The following SEPTIN7 variants were observed in gnomAD, a reference collection of about 807,000 sequenced individuals.
SEPTIN7 encodes the protein septin-7.
Under a neutral mutation model 63.3 loss-of-function variants are expected in SEPTIN7, and 10 were observed. That is an observed-to-expected ratio of 0.16 (90% CI 0.10 to 0.27). The LOEUF (loss-of-function observed/expected upper bound fraction) is 0.27, where lower values mean the gene tolerates loss of function less well. SEPTIN7 is among the 10% of genes least tolerant of loss of function. The pLI is 1.00. For missense variants in SEPTIN7, 310 were observed against 521.0 expected, an observed-to-expected ratio of 0.59 and a Z score of 3.94; for synonymous variants, 131 against 165.3, an observed-to-expected ratio of 0.79 and a Z score of 1.59.
intron 6 of SEPTIN7, among the ~76,000 whole-genome samples, chr7:35,876,842 G>A (rs761252618): frequency 1.3e-5 from 2 of 152,090 alleles, no homozygotes; most frequent in Non-Finnish European, 2.9e-5. Flanking sequence ...GGTGGTGGAT[G>A]CCTGTAATCC....
chr7:35,874,359 G>T (rs1452071899), intron 6 of SEPTIN7, among the ~76,000 whole-genome samples: 1 of 152,076 alleles, frequency 6.6e-6, no homozygotes, highest in Non-Finnish European at 1.5e-5. Context: ...TAATCTGATT[G>T]TTCTGTTTGT....
intron 11 of SEPTIN7, among the ~76,000 whole-genome samples, chr7:35,892,012 A>G (rs528352567): frequency 4.6e-5 from 7 of 152,298 alleles, no homozygotes; most frequent in Non-Finnish European, 7.4e-5. Context: ...GATCATCAAG[A>G]TGCCACTGGG....
chr7:35,869,638 A>G (rs868185675), intron 4 of SEPTIN7, among the ~76,000 whole-genome samples: 5 of 152,332 alleles, frequency 3.3e-5, no homozygotes, highest in Middle Eastern at 3.4e-3. Flanking sequence ...ATGACACTGT[A>G]TAATAAACAT....
chr7:35,901,280 A>G (rs570940535), intron 12 of SEPTIN7: 1 of 152,310 alleles, frequency 6.6e-6, no homozygotes, highest in South Asian at 2.1e-4. Flanking sequence ...GAACCCAGTT[A>G]ATTTTTAAGT....
At chr7:35,845,937 G>A (rs1784641119) in intron 3 of SEPTIN7, among the ~76,000 whole-genome samples, 1 of 151,654 alleles carries the variant, frequency 6.6e-6, no homozygotes, top group African/African-American at 2.4e-5. Context: ...TGTTTGAAAT[G>A]TGGTTGGATA....
chr7:35,821,588 T>C (rs756324980), intron 1 of SEPTIN7, among the ~76,000 whole-genome samples: 1 of 152,244 alleles, frequency 6.6e-6, no homozygotes, highest in African/African-American at 2.4e-5. Flanking sequence ...TAATCATGTA[T>C]GATTCTCAAG....
intron 3 of SEPTIN7, among the ~76,000 whole-genome samples, chr7:35,852,745 C>A (rs1211985180): frequency 3.3e-5 from 5 of 152,004 alleles, no homozygotes; most frequent in Non-Finnish European, 7.4e-5. Flanking sequence ...ATAATAGAAT[C>A]ATTAAGACAA....
At chr7:35,815,467 C>T (rs547019223) in intron 1 of SEPTIN7, among the ~76,000 whole-genome samples, 1 of 152,146 alleles carries the variant, frequency 6.6e-6, no homozygotes, top group South Asian at 2.1e-4. Flanking sequence ...TTCAATCTAG[C>T]CTTTCTCTTT....
chr7:35,888,709 A>G (rs1022990842), intron 10 of SEPTIN7: 4 of 203,350 alleles, frequency 2.0e-5, no homozygotes, highest in Non-Finnish European at 4.2e-5. Context: ...AGTCCCAGCT[A>G]CTCAGGAGGC....
chr7:35,843,225 G>C (rs952329189), intron 3 of SEPTIN7, among the ~76,000 whole-genome samples: 6 of 152,186 alleles, frequency 3.9e-5, no homozygotes, highest in Admixed American at 6.5e-5. Flanking sequence ...AATTAAGGGG[G>C]AGGCAGTGGC....
chr7:35,889,045 C>T lies in SEPTIN7; in HGVS notation c.873-1623C>T, dbSNP rs140411725. Among the ~76,000 whole-genome samples the T allele has an allele frequency of 4.6e-5, 7 of 152,210 alleles. No individual in the cohort carries two copies. The South Asian group carries it at 8.3e-4, about 18-fold the overall frequency. ...ATGGCATGTTCCTTGTAAAGGGGAT[C>T]TTACAGTTGAAGAGATATGATGTCA... On this transcript the variant is annotated intron_variant, in intron 10 of 13. Transcript: ENST00000350320.
intron 7 of SEPTIN7, 109 bp downstream of exon 7, chr7:35,880,049 A>G (rs1315305701): frequency 4.4e-5 from 29 of 665,056 alleles, no homozygotes; most frequent in Admixed American, 1.8e-4. Context: ...GCTTTACTAT[A>G]TTGTCATTTA....
chr7:35,915,159 A>T, the SEPTIN7 span, among the ~76,000 whole-genome samples: 1 of 152,224 alleles, frequency 6.6e-6, no homozygotes. Flanking sequence ...ATACATGTGT[A>T]CATATATATA....
intron 4 of SEPTIN7, among the ~76,000 whole-genome samples, chr7:35,866,346 AGCAGATGATCT>A: frequency 6.6e-6 from 1 of 152,332 alleles, no homozygotes; most frequent in Non-Finnish European, 1.5e-5. Context: ...CCAGTAGTCT[AGCAGATGATCT>A]GCCCTTGGAA....
At chr7:35,854,396 G>T (rs1215666323) in intron 3 of SEPTIN7, among the ~76,000 whole-genome samples, 1 of 152,312 alleles carries the variant, frequency 6.6e-6, no homozygotes, top group East Asian at 1.9e-4. Flanking sequence ...ATCTCTCAAC[G>T]TCTGGAAGCA....
downstream of SEPTIN7, among the ~76,000 whole-genome samples, chr7:35,910,166 G>A (rs1327910191): frequency 6.6e-6 from 1 of 152,200 alleles, no homozygotes; most frequent in Non-Finnish European, 1.5e-5. Flanking sequence ...TGGCTTTTAT[G>A]ACCCAGCTCT....
rs79471062 is a variant in SEPTIN7, at chr7:35,818,769, T to A, written c.62-12723T>A. Among the ~76,000 whole-genome samples, 331 of 152,128 alleles carry A rather than the reference T, an allele frequency of 2.2e-3. 1 individual carries two copies. The highest frequency in any genetic ancestry group is 7.0e-3 in the South Asian group (34 of 4,832). On this transcript the variant is annotated intron_variant, in intron 1 of 13. Coordinates refer to ENST00000350320, the MANE Select transcript of SEPTIN7 (RefSeq NM_001788.6). Reference sequence around the variant, plus strand: ...TGATCTGTTGTCAGCATGGAATTAATTGTTCATAGGTTCCTTTTTATTTCT... The same window carrying A: ...TGATCTGTTGTCAGCATGGAATTAAATGTTCATAGGTTCCTTTTTATTTCT...
chr7:35,838,236 A>ACTTC (rs1167892518), intron 3 of SEPTIN7, among the ~76,000 whole-genome samples: 58 of 59,002 alleles, frequency 9.8e-4, no homozygotes, highest in Non-Finnish European at 1.3e-3. Context: ...TATTATCCAA[A>ACTTC]CTTCCTTCCT....
At chr7:35,871,683 T>A (rs1289718186) in intron 4 of SEPTIN7, among the ~76,000 whole-genome samples, 1 of 152,222 alleles carries the variant, frequency 6.6e-6, no homozygotes, top group African/African-American at 2.4e-5. Context: ...AGGCTATCTC[T>A]AAAAGTGTCC....
Sources: gnomAD v4.1 joint callset for allele counts (sites outside exome capture counted in the v4.1 genomes callset) on GRCh38, gnomAD v4.1.1 for gene constraint, MANE v1.5 for transcripts, NCBI Gene and HGNC (gene_info 2026-07-23, HGNC 2026-07-21) for gene names.